MAP3K5: variants seen among roughly 807,000 people sequenced by gnomAD.
The protein encoded by MAP3K5 is ASK-1.
A neutral mutation model predicts 158.7 loss-of-function variants in MAP3K5; 56 were observed. The ratio of observed to expected loss-of-function variants is 0.35; its 90% CI spans 0.28 to 0.44. The LOEUF (loss-of-function observed/expected upper bound fraction) is 0.44. Ranked by LOEUF, MAP3K5 falls within the 20% of genes least tolerant of loss-of-function variation. MAP3K5 has a pLI of 1.00. For missense variants in MAP3K5, 1,294 were observed against 1,674.8 expected, an observed-to-expected ratio of 0.77 and a Z score of 3.97; for synonymous variants, 579 against 601.7, an observed-to-expected ratio of 0.96 and a Z score of 0.55.
chr6:136,774,499 T>C (rs1432138371), intron 1 of MAP3K5, among the ~76,000 whole-genome samples: 1 of 152,078 alleles, frequency 6.6e-6, no homozygotes, highest in Non-Finnish European at 1.5e-5. Flanking sequence ...ACAATATATA[T>C]AATACGTTCA....
At chr6:136,713,774 G>GCA (rs1781410104) in intron 2 of MAP3K5, among the ~76,000 whole-genome samples, 1 of 100,818 alleles carries the variant, frequency 9.9e-6, no homozygotes, top group Non-Finnish European at 2.0e-5. Context: ...ACCAGGAAGA[G>GCA]TAGAGTCCCA....
chr6:136,611,706 C>T (rs1046354810), intron 17 of MAP3K5, among the ~76,000 whole-genome samples: 1 of 152,034 alleles, frequency 6.6e-6, no homozygotes, highest in Non-Finnish European at 1.5e-5. Flanking sequence ...AGGGTGTAGA[C>T]CAAGCTCACT....
chr6:136,707,566 G>C (rs941774119), intron 2 of MAP3K5, among the ~76,000 whole-genome samples: 1 of 151,942 alleles, frequency 6.6e-6, no homozygotes, highest in South Asian at 2.1e-4. Context: ...TTGGGGGGGG[G>C]GGGAACCCCT....
At chr6:136,774,426 G>A (rs566811283) in intron 1 of MAP3K5, among the ~76,000 whole-genome samples, 1 of 152,248 alleles carries the variant, frequency 6.6e-6, no homozygotes, top group African/African-American at 2.4e-5. Context: ...CTGCACTCCA[G>A]CCTGGGTGAC....
intron 7 of MAP3K5, among the ~76,000 whole-genome samples, chr6:136,670,057 A>C (rs1485656875): frequency 6.6e-6 from 1 of 152,150 alleles, no homozygotes; most frequent in African/African-American, 2.4e-5. Flanking sequence ...TAAAAATGAA[A>C]TAAACTGTCA....
intron 26 of MAP3K5, among the ~76,000 whole-genome samples, chr6:136,563,328 A>G (rs1830599257): frequency 1.3e-5 from 2 of 152,208 alleles, no homozygotes; most frequent in South Asian, 2.1e-4. Flanking sequence ...CCCCATTAAA[A>G]AAAGTTGGCA....
At chr6:136,589,033 A>G (rs370530545) in intron 23 of MAP3K5, among the ~76,000 whole-genome samples, 7 of 152,342 alleles carry the variant, frequency 4.6e-5, no homozygotes, top group Admixed American at 2.0e-4. Context: ...TGAGATCTAA[A>G]GAGGTGGACA....
At chr6:136,721,801 T>C (rs1288726920) in intron 1 of MAP3K5, among the ~76,000 whole-genome samples, 1 of 152,194 alleles carries the variant, frequency 6.6e-6, no homozygotes, top group Non-Finnish European at 1.5e-5. Context: ...GAGTATCACC[T>C]GAGGCCAGGA....
At chr6:136,764,492 A>C (rs1324771872) in intron 1 of MAP3K5, among the ~76,000 whole-genome samples, 1 of 152,184 alleles carries the variant, frequency 6.6e-6, no homozygotes, top group Admixed American at 6.5e-5. Context: ...CAGTCATGGG[A>C]ATGAACCTTA....
intron 4 of MAP3K5, 58 bp from the exon 5 acceptor site, chr6:136,697,445 G>T: frequency 1.4e-6 from 2 of 1,402,786 alleles, no homozygotes; most frequent in Non-Finnish European, 2.0e-6. Context: ...TCAATGAAAA[G>T]CAATAATTTT....
chr6:136,744,518 C>T (rs1288586364), intron 1 of MAP3K5, among the ~76,000 whole-genome samples: 9 of 152,072 alleles, frequency 5.9e-5, no homozygotes, highest in Non-Finnish European at 1.3e-4. Flanking sequence ...TGAGATTGTG[C>T]TGGAAGGAGG....
intron 1 of MAP3K5, among the ~76,000 whole-genome samples, chr6:136,772,340 C>T (rs924323019): frequency 3.9e-5 from 6 of 152,118 alleles, no homozygotes; most frequent in Non-Finnish European, 1.5e-5. Context: ...CTGTGGTAAG[C>T]ATGGCACAGA....
At position 136,592,247 on chromosome 6, in the gene MAP3K5, G is replaced by A. The variant is rs761451391; in HGVS notation, c.3151C>T (p.Arg1051Ter). The A allele has an allele frequency of 4.3e-6, 7 of 1,612,248 alleles. No homozygotes were observed. Among genetic ancestry groups the A allele is most frequent in the African/African-American group, 1.3e-5 (1 of 74,912 alleles). Residue 1051 changes from arginine to a stop codon, truncating the protein, a stop_gained, in exon 23 of 30, where the codon CGA (arginine) becomes TGA (stop). Coordinates refer to ENST00000359015, the MANE Select transcript of MAP3K5 (RefSeq NM_005923.4). LOFTEE classifies it high-confidence loss of function. ...FFMLRKDSER[R>*]ATLHRILTED... ...GTCAGGATCCTGTGAAGGGTAGCTC[G>A]CCTCTCACTGTCCTTCCTCAGCATG...
chr6:136,571,636 G>T (rs941376446), intron 25 of MAP3K5, among the ~76,000 whole-genome samples: 2 of 152,072 alleles, frequency 1.3e-5, no homozygotes, highest in Non-Finnish European at 2.9e-5. Flanking sequence ...ACCACATTTT[G>T]TTTATCCATT....
rs2129085768 is a variant in MAP3K5, at chr6:136,601,928, C to T, written c.2731G>A (p.Ala911Thr). The T allele has an allele frequency of 6.2e-7, 1 of 1,614,150 alleles. No homozygotes were observed. The highest frequency in any genetic ancestry group is 8.5e-7 in the Non-Finnish European group (1 of 1,180,018). Reference protein sequence around the residue: ...PEIPESMSAEAKAFILKCFEP... With the variant: ...PEIPESMSAETKAFILKCFEP... ...AAACATTTCAGTATGAATGCCTTGG[C>T]CTCTGCAGACATGGACTCTGGGATC... Residue 911 changes from alanine (A) to threonine (T), a missense_variant, in exon 20 of 30, where the codon GCC becomes ACC. Around this residue, in one of 5 missense-constraint regions of MAP3K5, gnomAD observed 362 missense variants for 463.2 expected, o/e 0.78. Coordinates refer to ENST00000359015, the MANE Select transcript of MAP3K5 (RefSeq NM_005923.4).
intron 7 of MAP3K5, among the ~76,000 whole-genome samples, chr6:136,676,797 T>TC (rs1455081012): frequency 4.0e-5 from 6 of 148,502 alleles, no homozygotes; most frequent in Non-Finnish European, 7.5e-5. Context: ...TCTTTTCTTT[T>TC]TTTTTTTTTT....
chr6:136,720,253 CT>C (rs1781694392), intron 2 of MAP3K5, among the ~76,000 whole-genome samples, 196 bp downstream of exon 2: 2 of 152,144 alleles, frequency 1.3e-5, no homozygotes, highest in Non-Finnish European at 2.9e-5. Context: ...TCAGTGTGAA[CT>C]TTTTTCCTAC....
chr6:136,637,128 C>T, intron 14 of MAP3K5, 197 bp downstream of exon 14: 2 of 1,408,924 alleles, frequency 1.4e-6, no homozygotes, highest in African/African-American at 1.4e-5. Context: ...ACGCTTGGTG[C>T]TGTGGAATAA....
intron 10 of MAP3K5, 46 bp from the exon 11 acceptor site, chr6:136,651,137 G>C (rs776154501): frequency 9.9e-7 from 1 of 1,011,484 alleles, no homozygotes; most frequent in Admixed American, 2.0e-5. Context: ...ACTTAAGACT[G>C]AAACCACTTA....
Sources: allele counts gnomAD v4.1 joint callset (sites outside exome capture counted in the v4.1 genomes callset), GRCh38; gene constraint gnomAD v4.1.1; regional missense constraint gnomAD v4.1.1; transcripts MANE v1.5; gene names NCBI Gene and HGNC (gene_info 2026-07-23, HGNC 2026-07-21).